Variants in CNTN5 observed in about 807,000 individuals in gnomAD.
CNTN5 encodes the protein contactin 5, also known as contactin-5.
Under a neutral mutation model 129.1 loss-of-function variants are expected in CNTN5, and 77 were observed. The ratio of observed to expected loss-of-function variants is 0.60; its 90% CI spans 0.50 to 0.72. The LOEUF (loss-of-function observed/expected upper bound fraction) is 0.72. Among genes scored for constraint, CNTN5 ranks in the 30% least tolerant of loss-of-function variants. CNTN5 has a pLI of 0.00. For missense variants in CNTN5, 1,478 were observed against 1,328.8 expected (o/e 1.11, Z -1.75); for synonymous variants, 509 against 465.6 (o/e 1.09, Z -1.20).
At chr11:99,471,208 C>T (rs1358447307) in intron 2 of CNTN5, among the ~76,000 whole-genome samples, 1 of 151,452 alleles carries the variant, frequency 6.6e-6, no homozygotes, top group African/African-American at 2.4e-5. Context: ...AAAGGTAACA[C>T]AATAATAACT....
At chr11:99,981,103 T>TAC (rs1555171291) in intron 8 of CNTN5, among the ~76,000 whole-genome samples, 49 of 54,426 alleles carry the variant, frequency 9.0e-4, no homozygotes, top group East Asian at 6.4e-3. Flanking sequence ...TATATATATA[T>TAC]ACACACACAC....
chr11:99,894,515 C>CAA lies in CNTN5; in HGVS notation c.578-21526_578-21525dup, dbSNP rs202067813. Among the ~76,000 whole-genome samples, 395 of 107,452 alleles carry CAA rather than the reference C, an allele frequency of 3.7e-3. 5 individuals are homozygous for CAA. In the East Asian group the frequency reaches 0.04, roughly 11 times the overall value. The allele number at this position is 107,452 out of a possible 152,430, so 70.5% of individuals were successfully genotyped here. A position where few individuals can be genotyped will look rare whatever the true frequency, so the allele number is the denominator to read the frequency against. ...AGTATATTATGACAGGTACCAGCAGCAAAAAAAAAAAAAACCAAAAAACAA... is the reference window on the plus strand; with the variant it reads ...AGTATATTATGACAGGTACCAGCAGCAAAAAAAAAAAAAAAACCAAAAAACAA... On this transcript the variant is annotated intron_variant, in intron 6 of 24. Coordinates refer to ENST00000524871, the MANE Select transcript of CNTN5 (RefSeq NM_014361.4).
rs149154607 is a variant in CNTN5, at chr11:99,870,692, A to G, written c.577+25430A>G. 1.4e-3 allele frequency among the ~76,000 whole-genome samples: 209 copies of G among 152,222 alleles called. 1 individual carries two copies. The highest frequency in any genetic ancestry group is 6.0e-3 in the East Asian group (31 of 5,170). ...TTTTCCCTAGCTTTTCTTTGTAATT[A>G]CGGACAATTTGAAAGCTGCCTTAGG... On this transcript the variant is annotated intron_variant, in intron 6 of 24. Coordinates refer to ENST00000524871, the MANE Select transcript of CNTN5 (RefSeq NM_014361.4).
At chr11:100,286,160 G>A (rs569586049) in intron 18 of CNTN5, among the ~76,000 whole-genome samples, 4 of 152,108 alleles carry the variant, frequency 2.6e-5, no homozygotes, top group East Asian at 1.9e-4. Flanking sequence ...AAACTGCAAG[G>A]TGGCAGCCAG....
chr11:99,157,077 AG>A (rs1406951063), intron 1 of CNTN5, among the ~76,000 whole-genome samples: 2 of 152,024 alleles, frequency 1.3e-5, no homozygotes, highest in Non-Finnish European at 2.9e-5. Context: ...ATATTTATAA[AG>A]TGGTAAGTTT....
intron 17 of CNTN5, among the ~76,000 whole-genome samples, chr11:100,268,996 T>C (rs983185744): frequency 6.6e-6 from 1 of 152,056 alleles, no homozygotes; most frequent in Non-Finnish European, 1.5e-5. Flanking sequence ...GTTAACAGCA[T>C]AGAGAGTATC....
intron 4 of CNTN5, among the ~76,000 whole-genome samples, chr11:99,829,984 G>GTAGGAGTAAACTTAATTA (rs1414623569): frequency 4.6e-5 from 7 of 152,120 alleles, no homozygotes; most frequent in African/African-American, 1.7e-4. Context: ...TATGATTTTA[G>GTAGGAGTAAACTTAATTA]TAGGAGTAAA....
intron 1 of CNTN5, among the ~76,000 whole-genome samples, chr11:99,071,717 T>G (rs557200520): frequency 6.6e-6 from 1 of 152,260 alleles, no homozygotes; most frequent in South Asian, 2.1e-4. Flanking sequence ...TCAAATCATT[T>G]GCTTTATTTA....
intron 13 of CNTN5, among the ~76,000 whole-genome samples, chr11:100,104,294 C>T (rs1213793543): frequency 1.3e-5 from 2 of 151,952 alleles, no homozygotes; most frequent in South Asian, 2.1e-4. Flanking sequence ...AGGGTTTTGC[C>T]GTGTTGGCCA....
At chr11:99,953,280 G>T (rs1950719370) in intron 7 of CNTN5, among the ~76,000 whole-genome samples, 1 of 152,062 alleles carries the variant, frequency 6.6e-6, no homozygotes, top group South Asian at 2.1e-4. Context: ...TCTTTTTAGG[G>T]GAGCAAAGAG....
intron 6 of CNTN5, among the ~76,000 whole-genome samples, chr11:99,888,734 T>C (rs1836974305): frequency 6.6e-6 from 1 of 152,194 alleles, no homozygotes; most frequent in Non-Finnish European, 1.5e-5. Flanking sequence ...AAGGAAATAT[T>C]AACAGGACAT....
chr11:100,320,642 T>A (rs1427136117), intron 21 of CNTN5, among the ~76,000 whole-genome samples: 1 of 152,136 alleles, frequency 6.6e-6, no homozygotes, highest in African/African-American at 2.4e-5. Flanking sequence ...CAGACCAAGG[T>A]CATAGAGCTT....
At chr11:100,017,657 C>T (rs1940901093) in intron 9 of CNTN5, among the ~76,000 whole-genome samples, 2 of 151,930 alleles carry the variant, frequency 1.3e-5, no homozygotes. Context: ...AAAGATCTCT[C>T]ATAGTACTGG....
intron 2 of CNTN5, among the ~76,000 whole-genome samples, chr11:99,333,351 G>A (rs565510478): frequency 7.9e-5 from 12 of 151,908 alleles, no homozygotes; most frequent in Non-Finnish European, 1.6e-4. Flanking sequence ...AGGGAAATTA[G>A]CTTAAAAATT....
chr11:100,298,124 T>C (rs1055294622), intron 19 of CNTN5, among the ~76,000 whole-genome samples: 5 of 151,394 alleles, frequency 3.3e-5, no homozygotes, highest in Non-Finnish European at 7.4e-5. Flanking sequence ...TTAAATAACC[T>C]TATTATTAAA....
rs534603500 is a variant in CNTN5 at position 99,366,044 on chromosome 11, T to A, written c.-71+40560T>A. Among the ~76,000 whole-genome samples the A allele has an allele frequency of 7.6e-4, 115 of 152,286 alleles. 1 individual carries two copies. Among genetic ancestry groups the A allele is most frequent in the Admixed American group, 1.5e-3 (23 of 15,274 alleles). ...AGTTGTCAGAGGAAAGCCCTGAGGC[T>A]CCAGCATCCCATCCATCCTCATCAC... On this transcript the variant is annotated intron_variant, in intron 2 of 24. Coordinates refer to ENST00000524871, the MANE Select transcript of CNTN5 (RefSeq NM_014361.4).
At chr11:99,177,604 C>T (rs1464008224) in intron 1 of CNTN5, among the ~76,000 whole-genome samples, 2 of 152,154 alleles carry the variant, frequency 1.3e-5, no homozygotes, top group Non-Finnish European at 2.9e-5. Flanking sequence ...AGATTTGGAA[C>T]AGGCTGTGTG....
At chr11:99,430,354 C>CAT (rs568089283) in intron 2 of CNTN5, among the ~76,000 whole-genome samples, 3,454 of 149,060 alleles carry the variant, frequency 0.023, 180 homozygotes, top group East Asian at 0.14. Context: ...AGTGTAAAAT[C>CAT]ATATATATAT....
At chr11:99,887,178 T>G (rs1948922935) in intron 6 of CNTN5, among the ~76,000 whole-genome samples, 1 of 152,212 alleles carries the variant, frequency 6.6e-6, no homozygotes. Context: ...GCATCTGCAC[T>G]TTCTCTCATC....
Sources: allele counts gnomAD v4.1 joint callset (sites outside exome capture counted in the v4.1 genomes callset), GRCh38; gene constraint gnomAD v4.1.1; transcripts MANE v1.5; gene names NCBI Gene and HGNC (gene_info 2026-07-23, HGNC 2026-07-21).